MBD5: variants seen among roughly 807,000 people sequenced by gnomAD.
The protein encoded by MBD5 is methyl-CpG-binding domain protein 5.
MBD5 carries 13 observed loss-of-function variants against 117.3 expected under a neutral mutation model. The ratio of observed to expected loss-of-function variants is 0.11; its 90% CI spans 0.07 to 0.18. The LOEUF (loss-of-function observed/expected upper bound fraction) is 0.18, where lower values mean the gene tolerates loss of function less well. Ranked by LOEUF, MBD5 falls within the 10% of genes least tolerant of loss-of-function variation. MBD5 has a pLI of 1.00. For missense variants in MBD5, 1,879 were observed against 2,093.8 expected (o/e 0.90, Z 2.00); for synonymous variants, 727 against 766.4 (o/e 0.95, Z 0.85).
chr2:148,161,357 C>T (rs931714724), intron 1 of MBD5, among the ~76,000 whole-genome samples: 5 of 152,122 alleles, frequency 3.3e-5, no homozygotes, highest in Admixed American at 1.3e-4. Context: ...TATGGGGATG[C>T]TGGGATCTGG....
At chr2:148,042,022 G>A (rs565774969) in intron 1 of MBD5, among the ~76,000 whole-genome samples, 24 of 152,302 alleles carry the variant, frequency 1.6e-4, no homozygotes, top group African/African-American at 5.8e-4. Context: ...ACCTAAAGGG[G>A]ACTGTCTTCT....
intron 4 of MBD5, among the ~76,000 whole-genome samples, chr2:148,348,767 T>G (rs1438006047): frequency 1.3e-5 from 2 of 151,978 alleles, no homozygotes; most frequent in Non-Finnish European, 2.9e-5. Context: ...TTTTTTGTTC[T>G]TGCATTCGAA....
At chr2:148,204,871 C>G (rs959120082) in intron 2 of MBD5, among the ~76,000 whole-genome samples, 2 of 151,938 alleles carry the variant, frequency 1.3e-5, no homozygotes, top group African/African-American at 4.8e-5. Flanking sequence ...GAAGGTCTGT[C>G]AGCAAGCATT....
intron 6 of MBD5, among the ~76,000 whole-genome samples, chr2:148,462,947 C>T (rs1707140084): frequency 6.6e-6 from 1 of 152,036 alleles, no homozygotes; most frequent in Non-Finnish European, 1.5e-5. Flanking sequence ...TTCATTAGAG[C>T]TGTATCTAAT....
chr2:148,029,328 C>T (rs748092366), intron 1 of MBD5, among the ~76,000 whole-genome samples: 7 of 151,678 alleles, frequency 4.6e-5, no homozygotes, highest in Admixed American at 1.3e-4. Flanking sequence ...AATGGTCCAC[C>T]TTAGTTGTTT....
Position 148,449,950 on chromosome 2 carries a change from C to T in MBD5, c.-556-8253C>T, listed in dbSNP as rs529574843. Among the ~76,000 whole-genome samples, 5 of 152,050 alleles carry T rather than the reference C, an allele frequency of 3.3e-5. No individual in the cohort carries two copies. The South Asian group carries it at 1.0e-3, about 32-fold the overall frequency. ...GGCAATGAGAAAGTATGTTTTTATACTACCAGAGAACATATAGAGTATAAT... is the reference window on the plus strand; with the variant it reads ...GGCAATGAGAAAGTATGTTTTTATATTACCAGAGAACATATAGAGTATAAT... On this transcript the variant is annotated intron_variant, in intron 4 of 13. Coordinates refer to ENST00000642680, the MANE Select transcript of MBD5 (RefSeq NM_001378120.1).
At chr2:148,107,954 A>G (rs549090667) in intron 1 of MBD5, among the ~76,000 whole-genome samples, 1 of 152,180 alleles carries the variant, frequency 6.6e-6, no homozygotes, top group Non-Finnish European at 1.5e-5. Context: ...TTAATGTAGG[A>G]TCACTTTAAA....
At position 148,044,586 on chromosome 2, in the gene MBD5, A is replaced by G. The variant is rs937068438; in HGVS notation, c.-925+22902A>G. On this transcript the variant is annotated intron_variant, in intron 1 of 13. Transcript: ENST00000642680. Reference sequence around the variant, plus strand: ...CTTGTTGCTAAGAGGAAATAAATAAATATAAGATGATGAGTGGGTAAGTCA... The same window carrying G: ...CTTGTTGCTAAGAGGAAATAAATAAGTATAAGATGATGAGTGGGTAAGTCA... 10 of 152,334 alleles carry G rather than the reference A, an allele frequency of 6.6e-5. No individual in the cohort carries two copies. The East Asian group carries it at 1.2e-3, about 18-fold the overall frequency. The allele number at this position is 152,334 out of a possible 1,614,324, so 9.4% of individuals were successfully genotyped here. A position where few individuals can be genotyped will look rare whatever the true frequency, so the allele number is the denominator to read the frequency against.
At chr2:148,125,633 T>A (rs6714702) in intron 1 of MBD5, among the ~76,000 whole-genome samples, 133,820 of 152,180 alleles carry the variant, frequency 0.88, 58,939 homozygotes, top group East Asian at 0.91. Flanking sequence ...ATCTTGGAAG[T>A]CTATCTACAA....
intron 1 of MBD5, among the ~76,000 whole-genome samples, chr2:148,040,792 C>T (rs1253391486): frequency 1.3e-5 from 2 of 152,132 alleles, no homozygotes; most frequent in African/African-American, 4.8e-5. Context: ...ATTCTTGGCC[C>T]TGTGGGTGCA....
chr2:148,481,959 G>A (rs1424557868), intron 8 of MBD5, among the ~76,000 whole-genome samples: 1 of 152,160 alleles, frequency 6.6e-6, no homozygotes, highest in Non-Finnish European at 1.5e-5. Context: ...AGAATGCTAT[G>A]TAAGACTGGT....
intron 4 of MBD5, among the ~76,000 whole-genome samples, chr2:148,400,496 C>T (rs1049202029): frequency 6.6e-6 from 1 of 152,204 alleles, no homozygotes; most frequent in African/African-American, 2.4e-5. Flanking sequence ...GCTCCCATTC[C>T]ACCTGGGCAG....
At chr2:148,070,302 T>A (rs2105072827) in intron 1 of MBD5, among the ~76,000 whole-genome samples, 1 of 152,350 alleles carries the variant, frequency 6.6e-6, no homozygotes, top group South Asian at 2.1e-4. Flanking sequence ...TTATGCCAAG[T>A]AGTATTTTAT....
At chr2:148,164,732 G>C (rs981151813) in intron 1 of MBD5, among the ~76,000 whole-genome samples, 3 of 152,046 alleles carry the variant, frequency 2.0e-5, no homozygotes, top group Admixed American at 6.6e-5. Flanking sequence ...ATTAATCACT[G>C]ATTGTTTCAG....
chr2:148,205,152 C>T (rs1294114713), intron 2 of MBD5, among the ~76,000 whole-genome samples: 1 of 152,062 alleles, frequency 6.6e-6, no homozygotes, highest in African/African-American at 2.4e-5. Flanking sequence ...TCTCGGCTCA[C>T]TGTAACCTCC....
At chr2:148,109,390 A>G (rs1486791149) in intron 1 of MBD5, among the ~76,000 whole-genome samples, 1 of 152,242 alleles carries the variant, frequency 6.6e-6, no homozygotes, top group Non-Finnish European at 1.5e-5. Context: ...GCATCACTTT[A>G]TAGAAAATTA....
rs530778553 is a variant in MBD5 at position 148,271,225 on chromosome 2, T to C, written c.-680+37830T>C. On this transcript the variant is annotated intron_variant, in intron 3 of 13. Coordinates refer to ENST00000642680, the MANE Select transcript of MBD5 (RefSeq NM_001378120.1). ...TCTAGTTTTATTACCCTATGATTAG[T>C]GGCTGGACTATAAAATTTTTAATTT... Among the ~76,000 whole-genome samples, 519 of 152,310 alleles carry C rather than the reference T, an allele frequency of 3.4e-3. 2 individuals carry two copies. The highest frequency in any genetic ancestry group is 5.5e-3 in the Non-Finnish European group (374 of 68,014).
At chr2:148,106,938 C>A (rs1378903133) in intron 1 of MBD5, among the ~76,000 whole-genome samples, 1 of 151,892 alleles carries the variant, frequency 6.6e-6, no homozygotes, top group African/African-American at 2.4e-5. Context: ...ACATATTTAT[C>A]ATATTTTTTC....
rs755662182 is a variant in MBD5, at chr2:148,468,672, A to T, written c.729A>T (p.Pro243=). The T allele has an allele frequency of 2.5e-6, 4 of 1,613,822 alleles. No homozygotes were observed. The South Asian group carries it at 4.4e-5, about 18-fold the overall frequency. Residue 243 remains proline, a synonymous_variant, in exon 8 of 14, where the codon CCA becomes CCT. Coordinates refer to ENST00000642680, the MANE Select transcript of MBD5 (RefSeq NM_001378120.1). ...GDGSISPRTD[P]LGSPDVFTRS... is the part of the protein sequence containing the mutation. ...GTTCAATCTCTCCAAGGACTGACCC[A>T]CTTGGAAGTCCTGATGTTTTCACAA...
Sources: allele counts gnomAD v4.1 joint callset (sites outside exome capture counted in the v4.1 genomes callset), GRCh38; gene constraint gnomAD v4.1.1; transcripts MANE v1.5; gene names NCBI Gene and HGNC (gene_info 2026-07-23, HGNC 2026-07-21).